The following KRT86 variants were observed in gnomAD, a reference collection of about 807,000 sequenced individuals.
KRT86 encodes the protein keratin 86, also known as keratin, type II cuticular Hb6.
A neutral mutation model predicts 41.2 loss-of-function variants in KRT86; 30 were observed. The observed-to-expected ratio is 0.73, with a 90% CI of 0.54 to 0.99. The LOEUF (loss-of-function observed/expected upper bound fraction) is 0.99, where lower values mean the gene tolerates loss of function less well. KRT86 is among the 50% of genes least tolerant of loss of function. KRT86 has a pLI of 0.00. For synonymous variants in KRT86, 238 were observed against 238.1 expected, an observed-to-expected ratio of 1.00 and a Z score of 0.00; for missense variants, 561 against 571.4, an observed-to-expected ratio of 0.98 and a Z score of 0.19.
chr12:52,286,158 G>A, intron 2 of KRT86: 1 of 952,656 alleles, frequency 1.0e-6, no homozygotes, highest in African/African-American at 1.6e-5. Flanking sequence ...AAGTGCAGGA[G>A]AAGTAGCTGA....
chr12:52,299,816 T>C (rs1243354796), intron 2 of KRT86, among the ~76,000 whole-genome samples: 2 of 152,254 alleles, frequency 1.3e-5, no homozygotes, highest in East Asian at 1.9e-4. Flanking sequence ...TTGAGTTGTT[T>C]GAGTTCCTTA....
At chr12:52,284,466 AG>A (rs1312569890) in intron 2 of KRT86, among the ~76,000 whole-genome samples, 13 of 152,176 alleles carry the variant, frequency 8.5e-5, no homozygotes, top group African/African-American at 3.1e-4. Context: ...TTGAGATTAT[AG>A]GTGTGAGCCA....
chr12:52,291,939 G>A (rs1938139325), intron 2 of KRT86, among the ~76,000 whole-genome samples: 1 of 152,100 alleles, frequency 6.6e-6, no homozygotes. Flanking sequence ...TTCAGGAAAG[G>A]CTGAGGCATT....
intron 2 of KRT86, chr12:52,287,322 T>C (rs1945319020): frequency 6.2e-7 from 1 of 1,613,932 alleles, no homozygotes; most frequent in African/African-American, 1.3e-5. Flanking sequence ...AGCTTGGAGT[T>C]CTGAAGAGAA....
At chr12:52,291,133 C>T (rs780927374) in intron 2 of KRT86, 176 of 968,444 alleles carry the variant, frequency 1.8e-4, no homozygotes, top group Middle Eastern at 3.1e-4. Flanking sequence ...TGTTGAGGGA[C>T]TTGATCTGCT....
chr12:52,286,232 G>A, intron 2 of KRT86: 2 of 1,543,650 alleles, frequency 1.3e-6, no homozygotes, highest in Non-Finnish European at 1.8e-6. Context: ...GATGCCTGGG[G>A]CCTGGGACTT....
chr12:52,292,905 G>A (rs995400998), intron 2 of KRT86, among the ~76,000 whole-genome samples: 1 of 152,216 alleles, frequency 6.6e-6, no homozygotes, highest in African/African-American at 2.4e-5. Flanking sequence ...GGGAGTCTGA[G>A]GGGGGTGGAT....
chr12:52,305,168 G>C (rs1938476279), intron 6 of KRT86, 72 bp from the exon 7 acceptor site: 2 of 1,612,594 alleles, frequency 1.2e-6, no homozygotes, highest in African/African-American at 2.7e-5. Context: ...GAGAAAGCCT[G>C]AGGAGGTGGA....
At chr12:52,285,291 G>A (rs909266785) in intron 2 of KRT86, among the ~76,000 whole-genome samples, 4 of 151,758 alleles carry the variant, frequency 2.6e-5, no homozygotes, top group Non-Finnish European at 4.4e-5. Context: ...ATCTTGCTAT[G>A]TGCTGTTTTC....
chr12:52,283,357 C>T (rs1937821623), intron 2 of KRT86, among the ~76,000 whole-genome samples: 1 of 132,616 alleles, frequency 7.5e-6, no homozygotes, highest in Non-Finnish European at 1.5e-5. Context: ...TGCACCACCG[C>T]ACTCCAGCCT....
At chr12:52,286,835 G>T (rs901024465) in intron 2 of KRT86, 9 of 1,613,710 alleles carry the variant, frequency 5.6e-6, no homozygotes, top group Non-Finnish European at 7.6e-6. Flanking sequence ...GAGGGCAAAA[G>T]AGAAAAAGGC....
intron 2 of KRT86, among the ~76,000 whole-genome samples, chr12:52,296,977 G>C (rs1031959252): frequency 1.3e-5 from 2 of 152,292 alleles, no homozygotes; most frequent in East Asian, 3.9e-4. Context: ...TGCCTCAACC[G>C]GCATTCTCCC....
intron 2 of KRT86, among the ~76,000 whole-genome samples, chr12:52,283,106 A>G (rs889550133): frequency 1.3e-5 from 2 of 152,082 alleles, no homozygotes; most frequent in African/African-American, 2.4e-5. Flanking sequence ...CCAAAGAATA[A>G]CAGAGTTGAC....
intron 2 of KRT86, among the ~76,000 whole-genome samples, chr12:52,283,259 T>TG (rs59991500): frequency 1 from 151,518 of 151,534 alleles, 75,751 homozygotes; most frequent in Middle Eastern, 1. Context: ...CCCGGTGTGG[T>TG]GCAGGCACCT....
intron 2 of KRT86, among the ~76,000 whole-genome samples, chr12:52,282,798 C>G (rs1937806549): frequency 1.3e-5 from 2 of 152,264 alleles, no homozygotes; most frequent in African/African-American, 4.8e-5. Flanking sequence ...TGTACCCACA[C>G]TGCACTCACA....
At chr12:52,278,600 A>G (rs751709642) in intron 2 of KRT86, among the ~76,000 whole-genome samples, 2 of 152,144 alleles carry the variant, frequency 1.3e-5, no homozygotes, top group Non-Finnish European at 2.9e-5. Context: ...TGGGGAATGC[A>G]GAATACCAAA....
intron 8 of KRT86, 29 bp downstream of exon 8, chr12:52,305,817 G>C: frequency 6.2e-7 from 1 of 1,613,972 alleles, no homozygotes; most frequent in South Asian, 1.1e-5. Context: ...CAAGGTCAGA[G>C]AGACCGAGGG....
rs757425820 is a variant in KRT86 at position 52,306,136 on chromosome 12, T to C, written c.1103T>C (p.Leu368Ser). The C allele has an allele frequency of 8.1e-6, 13 of 1,613,904 alleles. No homozygotes were observed. Among genetic ancestry groups the C allele is most frequent in the Non-Finnish European group, 1.1e-5 (13 of 1,180,054 alleles). ...GCCCTCAGCGATGCCCGCTGCAAGT[T>C]GGCCGAGCTGGAGGGTGCCCTGCAG... ...EAALSDARCK[L>S]AELEGALQKA... Residue 368 changes from leucine (L) to serine (S), a missense_variant, in exon 9 of 11, where the codon TTG becomes TCG. By Grantham distance (145) the Leu-to-Ser change is moderately radical. This residue lies in a region of KRT86 where 397 missense variants were observed against 375.9 expected (regional missense o/e 1.06). Transcript: ENST00000423955.
intron 2 of KRT86, chr12:52,291,370 G>A: frequency 6.2e-7 from 1 of 1,602,242 alleles, no homozygotes; most frequent in Non-Finnish European, 8.5e-7. Context: ...AGATGCCACG[G>A]TAGGGGGCGG....
Sources: allele counts gnomAD v4.1 joint callset (sites outside exome capture counted in the v4.1 genomes callset), GRCh38; gene constraint gnomAD v4.1.1; regional missense constraint gnomAD v4.1.1; transcripts MANE v1.5; gene names NCBI Gene and HGNC (gene_info 2026-07-23, HGNC 2026-07-21).